The following VWA3A variants were observed in gnomAD, a reference collection of about 807,000 sequenced individuals.
The protein encoded by VWA3A is von Willebrand factor A domain-containing protein 3A.
In VWA3A, 134 loss-of-function variants were observed where a neutral mutation model predicts 160.4. The observed-to-expected ratio is 0.84, with a 90% confidence interval of 0.73 to 0.96. The LOEUF is 0.96. VWA3A is among the 40% of genes least tolerant of loss of function. The probability of loss-of-function intolerance (pLI) is 0.00; values close to 1 mark genes in which losing one functional copy is unlikely to be tolerated. For synonymous variants in VWA3A, 476 were observed against 543.4 expected (o/e 0.88, Z 1.72); for missense variants, 1,310 against 1,447.9 (o/e 0.90, Z 1.55).
Position 22,149,796 on chromosome 16 carries a change from G to A in VWA3A, c.2994G>A (p.Leu998=), listed in dbSNP as rs1235305869. Residue 998 remains leucine, a synonymous_variant, in exon 29 of 34, where the codon CTG becomes CTA. Coordinates refer to ENST00000389398, the MANE Select transcript of VWA3A (RefSeq NM_173615.5). ...TTTTCCTCCTCCCCAGTTTTAACCT[G>A]CTCAGCTTTGCAGAGAGCTTTCAGT... ...QLRKCCDSFN[L]LSFAESFQSW... The A allele has an allele frequency of 3.8e-6, 6 of 1,599,314 alleles. 1 individual carries two copies. The South Asian group carries it at 6.7e-5, about 18-fold the overall frequency.
chr16:22,094,572 CAA>C (rs140237362), intron 1 of VWA3A, among the ~76,000 whole-genome samples: 1 of 142,890 alleles, frequency 7.0e-6, no homozygotes, highest in Admixed American at 7.0e-5. Context: ...CTAGCTGAAG[CAA>C]AAAAAAAAGG....
intron 8 of VWA3A, among the ~76,000 whole-genome samples, chr16:22,113,363 C>CTTTGTTTTTTTTTT (rs2045581091): frequency 2.2e-5 from 1 of 46,252 alleles, no homozygotes; most frequent in Non-Finnish European, 4.6e-5. Context: ...GGCTAATTTT[C>CTTTGTTTTTTTTTT]TTTTTTTTTT....
Position 22,146,363 on chromosome 16 carries a change from C to A in VWA3A, c.2839+19C>A. On this transcript the variant is annotated intron_variant, in intron 27 of 33. Coordinates refer to ENST00000389398, the MANE Select transcript of VWA3A (RefSeq NM_173615.5). Reference sequence around the variant, plus strand: ...CTGTCCGGTGAGCCTGCCCACTGCCCTGAAGGGTGGAGGAGCATGAGGGGA... The same window carrying A: ...CTGTCCGGTGAGCCTGCCCACTGCCATGAAGGGTGGAGGAGCATGAGGGGA... 1.2e-6 allele frequency: 2 copies of A among 1,605,860 alleles called. No individual in the cohort carries two copies. The highest frequency in any genetic ancestry group is 8.5e-7 in the Non-Finnish European group (1 of 1,174,490).
intron 1 of VWA3A, among the ~76,000 whole-genome samples, chr16:22,093,582 G>A (rs1157255267): frequency 6.6e-6 from 1 of 152,176 alleles, no homozygotes; most frequent in African/African-American, 2.4e-5. Context: ...ATGCTGAAGT[G>A]CTTGAAGATG....
chr16:22,155,771 G>A, intron 32 of VWA3A, 80 bp from the exon 33 acceptor site: 2 of 1,608,364 alleles, frequency 1.2e-6, no homozygotes, highest in Non-Finnish European at 1.7e-6. Context: ...TTGCTCCAAG[G>A]GTTCCTGCCC....
rs756407622 is a variant in VWA3A at position 22,123,075 on chromosome 16, C to G, written c.1357-10C>G. ...CGCCTGCTCACCCTCCTGCCCATGC[C>G]TGAGTATAGAAGGCAATGATACAAT... On this transcript the variant is annotated splice_polypyrimidine_tract_variant and intron_variant, in intron 14 of 33. Coordinates refer to ENST00000389398, the MANE Select transcript of VWA3A (RefSeq NM_173615.5). 7 of 1,592,900 alleles carry G rather than the reference C, an allele frequency of 4.4e-6. No individual in the cohort carries two copies. The East Asian group carries it at 9.0e-5, about 21-fold the overall frequency.
At chr16:22,134,132 T>A (rs2045999728) in intron 20 of VWA3A, among the ~76,000 whole-genome samples, 1 of 151,918 alleles carries the variant, frequency 6.6e-6, no homozygotes, top group Non-Finnish European at 1.5e-5. Flanking sequence ...CCCAGTTAAT[T>A]TTTTAAATTT....
At chr16:22,147,497 G>A in intron 27 of VWA3A, 1 of 684,498 alleles carries the variant, frequency 1.5e-6, no homozygotes, top group Non-Finnish European at 2.7e-6. Flanking sequence ...GGAGGAGGGA[G>A]GAAGGGAGTC....
At chr16:22,150,161 G>A (rs2046324045) in intron 29 of VWA3A, among the ~76,000 whole-genome samples, 1 of 152,130 alleles carries the variant, frequency 6.6e-6, no homozygotes, top group South Asian at 2.1e-4. Context: ...CAGCACTTTG[G>A]GAGGGCAAGG....
Position 22,138,425 on chromosome 16 carries a change from G to A in VWA3A, c.2205G>A (p.Pro735=), listed in dbSNP as rs184278318. ...AAGTACTGGGAAGTTCAGCCCTCCC[G>A]AAAGAAAAACCAAAGACACTTCAGC... is the stretch of plus-strand genomic sequence containing the variant. The part of the protein sequence containing the change: ...SGKVLGSSAL[P]KEKPKTLQLR... The change falls in exon 22 of 34, where the codon CCG becomes CCA. Residue 735 remains proline (P), a synonymous_variant. Transcript: ENST00000389398. 700 of 1,612,586 alleles carry A rather than the reference G, an allele frequency of 4.3e-4. 2 individuals are homozygous for A. The highest frequency in any genetic ancestry group is 6.6e-4 in the Middle Eastern group (4 of 6,060).
At chr16:22,126,070 T>C (rs1017391316) in intron 16 of VWA3A, 108 bp from the exon 17 acceptor site, 6 of 1,496,118 alleles carry the variant, frequency 4.0e-6, no homozygotes, top group African/African-American at 1.4e-5. Context: ...AGCTATGAAT[T>C]TGGCATGCAA....
chr16:22,116,664 T>C, intron 9 of VWA3A, 95 bp from the exon 10 acceptor site: 1 of 970,658 alleles, frequency 1.0e-6, no homozygotes, highest in African/African-American at 1.6e-5. Context: ...CAGTTAAGAA[T>C]GGGTAGATGT....
chr16:22,103,637 A>G (rs2045441528), intron 6 of VWA3A, 108 bp downstream of exon 6: 10 of 1,300,360 alleles, frequency 7.7e-6, no homozygotes, highest in Non-Finnish European at 1.1e-5. Flanking sequence ...TGCTTAAGCT[A>G]AAAAAAGGCA....
At chr16:22,124,562 A>G (rs1447327418) in intron 16 of VWA3A, among the ~76,000 whole-genome samples, 1 of 147,712 alleles carries the variant, frequency 6.8e-6, no homozygotes, top group African/African-American at 2.5e-5. Flanking sequence ...TATTATTATT[A>G]TTATTATTAT....
At chr16:22,136,326 T>G (rs2046039439) in intron 21 of VWA3A, among the ~76,000 whole-genome samples, 4 of 151,788 alleles carry the variant, frequency 2.6e-5, no homozygotes, top group Admixed American at 2.6e-4. Context: ...GACCAAGATG[T>G]AGAAAACAGG....
Position 22,097,632 on chromosome 16 carries a change from A to G in VWA3A, c.162A>G (p.Gly54=), listed in dbSNP as rs754597537. The G allele has an allele frequency of 2.6e-6, 4 of 1,551,874 alleles. No homozygotes were observed. In the South Asian group the frequency reaches 4.8e-5, roughly 18 times the overall value. Residue 54 remains glycine, a synonymous_variant, in exon 3 of 34, where the codon GGA becomes GGG. Coordinates refer to ENST00000389398, the MANE Select transcript of VWA3A (RefSeq NM_173615.5). ...KKPLKQKNMN[G]LGQNSDNGLL... Reference sequence around the variant, plus strand: ...CACTAAAGCAGAAGAATATGAATGGACTTGGGCAAAATTCGGACAATGGAT... The same window carrying G: ...CACTAAAGCAGAAGAATATGAATGGGCTTGGGCAAAATTCGGACAATGGAT...
At chr16:22,134,494 G>A in intron 21 of VWA3A, 56 bp downstream of exon 21, 1 of 1,456,282 alleles carries the variant, frequency 6.9e-7, no homozygotes. Flanking sequence ...ATTTCCTGGG[G>A]CTACCATAAC....
Position 22,117,186 on chromosome 16 carries a change from T to C in VWA3A, c.990+10T>C. 6.4e-7 allele frequency: 1 copy of C among 1,572,836 alleles called. No homozygotes were observed. Among genetic ancestry groups the C allele is most frequent in the Non-Finnish European group, 8.6e-7 (1 of 1,158,738 alleles). ...CAGCCCAAAGATGGAGGTAAGCCCT[T>C]CTGTCAACACATGGCCCCTCTTCTT... On this transcript the variant is annotated intron_variant, in intron 11 of 33. Coordinates refer to ENST00000389398, the MANE Select transcript of VWA3A (RefSeq NM_173615.5).
At chr16:22,138,697 A>G in intron 22 of VWA3A, 185 bp downstream of exon 22, 3 of 739,104 alleles carry the variant, frequency 4.1e-6, no homozygotes, top group South Asian at 2.1e-5. Flanking sequence ...CCGGCTCCTC[A>G]GCTCTCGGGG....
Sources: gnomAD v4.1 joint callset for allele counts (sites outside exome capture counted in the v4.1 genomes callset) on GRCh38, gnomAD v4.1.1 for gene constraint, MANE v1.5 for transcripts, NCBI Gene and HGNC (gene_info 2026-07-23, HGNC 2026-07-21) for gene names.